The following TTC22 variants were observed in gnomAD, a reference collection of about 807,000 sequenced individuals.
TTC22 encodes the protein tetratricopeptide repeat protein 22.
In TTC22, 42 loss-of-function variants were observed where a neutral mutation model predicts 48.2. The observed-to-expected ratio is 0.87, with a 90% CI of 0.68 to 1.13. TTC22 has a LOEUF of 1.13. Among genes scored for constraint, TTC22 ranks in the 50% most tolerant of loss-of-function variants. TTC22 has a pLI of 0.00. For missense variants in TTC22, 784 were observed against 807.0 expected, an observed-to-expected ratio of 0.97 and a Z score of 0.34; for synonymous variants, 345 against 365.5, an observed-to-expected ratio of 0.94 and a Z score of 0.64.
At chr1:54,796,969 T>C (rs1481413656) in intron 1 of TTC22, among the ~76,000 whole-genome samples, 1 of 152,014 alleles carries the variant, frequency 6.6e-6, no homozygotes, top group East Asian at 1.9e-4. Context: ...TGAAGAGCAG[T>C]GGTGAAGTGC....
intron 5 of TTC22, chr1:54,785,602 A>C: frequency 2.3e-6 from 1 of 444,442 alleles, no homozygotes; most frequent in Non-Finnish European, 4.5e-6. Flanking sequence ...GCTTGAGCCC[A>C]GGAGTTTGAG....
rs74863733 is a variant in TTC22 at position 54,786,383 on chromosome 1, G to A, written c.859-239C>T. On this transcript the variant is annotated intron_variant, in intron 4 of 6. Transcript: ENST00000371276. ...GAGCCTGGCCCACGACCACATCACCGGTCACATCCAGTAAAGCCTTCCAGA... is the reference window on the plus strand; with the variant it reads ...GAGCCTGGCCCACGACCACATCACCAGTCACATCCAGTAAAGCCTTCCAGA... The A allele has an allele frequency of 8.4e-3, 3,816 of 455,386 alleles. 140 individuals carry two copies. Among genetic ancestry groups the A allele is most frequent in the East Asian group, 0.075 (1,761 of 23,426 alleles). 28.2% of individuals were successfully genotyped at this position (455,386 alleles called of 1,614,324 possible).
chr1:54,783,124 G>A (rs559659123), intron 5 of TTC22, among the ~76,000 whole-genome samples: 1 of 151,472 alleles, frequency 6.6e-6, no homozygotes, highest in Non-Finnish European at 1.5e-5. Flanking sequence ...GGAGGTTTAG[G>A]AGGGGTGGGT....
At chr1:54,794,104 T>C (rs908597425) in intron 1 of TTC22, among the ~76,000 whole-genome samples, 4 of 152,182 alleles carry the variant, frequency 2.6e-5, no homozygotes, top group Admixed American at 6.5e-5. Context: ...TTGAGAACCA[T>C]TGCACAAGGC....
chr1:54,782,208 A>G, intron 6 of TTC22, 117 bp downstream of exon 6: 1 of 999,956 alleles, frequency 1.0e-6, no homozygotes, highest in East Asian at 2.7e-5. Context: ...GGAGATGGGT[A>G]CTGTTATCAG....
intron 1 of TTC22, among the ~76,000 whole-genome samples, chr1:54,800,213 G>T (rs1327489128): frequency 6.6e-6 from 1 of 152,182 alleles, no homozygotes; most frequent in African/African-American, 2.4e-5. Context: ...TGGAGGTGAG[G>T]GGGAGAGAAG....
chr1:54,783,131 G>C (rs914536703), intron 5 of TTC22, among the ~76,000 whole-genome samples: 2 of 152,180 alleles, frequency 1.3e-5, no homozygotes, highest in Non-Finnish European at 2.9e-5. Context: ...TAGGAGGGGT[G>C]GGTTTGGGTT....
rs1646254504 is a variant in TTC22 at position 54,780,597 on chromosome 1, TA to T, written c.*645del. ...AAGTGAAGGTTCTATTGATGAGCTC[TA>T]TTTCAGAGCATTTGGGAGGCCTTTT... On this transcript the variant is annotated 3_prime_UTR_variant, in exon 7 of 7. Transcript: ENST00000371276. 1 of 152,086 alleles carries T rather than the reference TA, an allele frequency of 6.6e-6. No homozygotes were observed. Among genetic ancestry groups the T allele is most frequent in the Non-Finnish European group, 1.5e-5 (1 of 68,024 alleles). 9.4% of individuals were successfully genotyped at this position (152,086 alleles called of 1,614,324 possible). A position where few individuals can be genotyped will look rare whatever the true frequency, so the allele number is the denominator to read the frequency against.
chr1:54,798,228 C>T (rs1646407257), intron 1 of TTC22, among the ~76,000 whole-genome samples: 1 of 152,256 alleles, frequency 6.6e-6, no homozygotes, highest in South Asian at 2.1e-4. Flanking sequence ...TGCCCCAGTT[C>T]AGCTGGCACT....
At chr1:54,794,151 C>T (rs1646373305) in intron 1 of TTC22, among the ~76,000 whole-genome samples, 1 of 152,140 alleles carries the variant, frequency 6.6e-6, no homozygotes, top group Admixed American at 6.5e-5. Flanking sequence ...CAAAAATGGG[C>T]TAGAAGATTT....
intron 1 of TTC22, among the ~76,000 whole-genome samples, chr1:54,794,073 C>T (rs1646372731): frequency 6.6e-6 from 1 of 152,214 alleles, no homozygotes. Flanking sequence ...TTTTAACAGG[C>T]CCCCTACTGC....
At chr1:54,782,498 T>A (rs1183075229) in intron 5 of TTC22, 21 bp from the exon 6 acceptor site, 1 of 1,526,918 alleles carries the variant, frequency 6.5e-7, no homozygotes, top group Non-Finnish European at 8.8e-7. Flanking sequence ...AGAGCCAGCT[T>A]AGGAAAGATG....
At position 54,781,536 on chromosome 1, in the gene TTC22, C is replaced by T. The variant is rs1228480347; in HGVS notation, c.1417G>A (p.Gly473Ser). 2.0e-5 allele frequency: 31 copies of T among 1,515,984 alleles called. No homozygotes were observed. Among genetic ancestry groups the T allele is most frequent in the Non-Finnish European group, 2.7e-5 (31 of 1,139,340 alleles). The allele number at this position is 1,515,984 out of a possible 1,614,324, so 93.9% of individuals were successfully genotyped here. Residue 473 changes from glycine to serine, a missense_variant, in exon 7 of 7, where the codon GGC becomes AGC. By Grantham distance (56) the Gly-to-Ser change is moderately conservative (BLOSUM62 0). Transcript: ENST00000371276. ...DAGSSHTDGF[G>S]CLLEALLAQW... Reference sequence around the variant, plus strand: ...GCCAGCAGCGCCTCGAGCAGGCAGCCGAAGCCGTCGGTGTGGCTGGAGCCC... The same window carrying T: ...GCCAGCAGCGCCTCGAGCAGGCAGCTGAAGCCGTCGGTGTGGCTGGAGCCC...
At chr1:54,785,719 G>T in intron 5 of TTC22, 1 of 456,960 alleles carries the variant, frequency 2.2e-6, no homozygotes, top group Non-Finnish European at 4.1e-6. Context: ...AGGCTGAGGC[G>T]GGAGGATTGC....
Position 54,781,273 on chromosome 1 carries a change from C to T in TTC22, c.1680G>A (p.Ala560=). Residue 560 remains alanine, a synonymous_variant, in exon 7 of 7, where the codon GCG becomes GCA. Transcript: ENST00000371276. ...TMEREGEGAS[A]PRDRRAVSF ...ATGAGACAGCCCGGCGGTCCCGCGGCGCGCTGGCGCCCTCGCCCTCGCGCT... is the reference window on the plus strand; with the variant it reads ...ATGAGACAGCCCGGCGGTCCCGCGGTGCGCTGGCGCCCTCGCCCTCGCGCT... 6.8e-7 allele frequency: 1 copy of T among 1,477,274 alleles called. No individual in the cohort carries two copies. Among genetic ancestry groups the T allele is most frequent in the Non-Finnish European group, 8.9e-7 (1 of 1,122,272 alleles). The allele number at this position is 1,477,274 out of a possible 1,614,324, so 91.5% of individuals were successfully genotyped here.
intron 1 of TTC22, among the ~76,000 whole-genome samples, chr1:54,795,587 T>G (rs555418147): frequency 6.6e-6 from 1 of 152,262 alleles, no homozygotes; most frequent in Non-Finnish European, 1.5e-5. Flanking sequence ...GCTGAGTGGG[T>G]CTGCAGAAGT....
intron 4 of TTC22, chr1:54,786,503 A>C: frequency 3.8e-6 from 1 of 264,060 alleles, no homozygotes; most frequent in Non-Finnish European, 7.2e-6. Context: ...CCCCAACCTT[A>C]CAAAGTACAG....
chr1:54,782,750 A>G (rs1646272492), intron 5 of TTC22, among the ~76,000 whole-genome samples: 1 of 152,190 alleles, frequency 6.6e-6, no homozygotes, highest in Non-Finnish European at 1.5e-5. Context: ...GCAGATATGT[A>G]TTGAGTGCCC....
At chr1:54,782,555 G>A in intron 5 of TTC22, 78 bp from the exon 6 acceptor site, 1 of 1,395,120 alleles carries the variant, frequency 7.2e-7, no homozygotes, top group South Asian at 1.5e-5. Flanking sequence ...AATGAACCCA[G>A]TCTTTTTTTC....
Sources: gnomAD v4.1 joint callset for allele counts (sites outside exome capture counted in the v4.1 genomes callset) on GRCh38, gnomAD v4.1.1 for gene constraint, MANE v1.5 for transcripts, NCBI Gene and HGNC (gene_info 2026-07-23, HGNC 2026-07-21) for gene names.